Variants in RFC3 observed in about 807,000 individuals in gnomAD.
The protein encoded by RFC3 is A1 38 kDa subunit.
In RFC3, 41 loss-of-function variants were observed where a neutral mutation model predicts 45.1. The observed-to-expected ratio is 0.91, with a 90% confidence interval of 0.71 to 1.18. RFC3 has a LOEUF of 1.18. Ranked by LOEUF, RFC3 falls within the 50% of genes most tolerant of loss-of-function variation. RFC3 has a pLI of 0.00. For synonymous variants in RFC3, 149 were observed against 144.0 expected (o/e 1.03, Z -0.25); for missense variants, 423 against 428.1 (o/e 0.99, Z 0.10).
In RFC3 at chr13:33,823,923, TC is replaced by T; in HGVS notation, c.233del (p.Ser78LeufsTer29). On this transcript the variant is annotated frameshift_variant, in exon 3 of 9. Coordinates refer to ENST00000380071, the MANE Select transcript of RFC3 (RefSeq NM_002915.4). LOFTEE classifies it high-confidence loss of function. Reference protein sequence around the residue: ...RIEHQTITTPSKKKIEISTIA... With the variant: ...RIEHQTITTPXKKKIEISTIA... ...TCTTTTTCTTTGTCCACAGACTCCATCTAAAAAAAAAATTGAAATTAGCACC... is the reference window on the plus strand; with the variant it reads ...TCTTTTTCTTTGTCCACAGACTCCATTAAAAAAAAAATTGAAATTAGCACC... 6.5e-7 allele frequency: 1 copy of T among 1,532,998 alleles called. No individual in the cohort carries two copies. The highest frequency in any genetic ancestry group is 9.0e-7 in the Non-Finnish European group (1 of 1,115,852). 95.0% of individuals were successfully genotyped at this position (1,532,998 alleles called of 1,614,324 possible).
At chr13:33,876,605 A>T (rs2082448728) in intron 8 of RFC3, among the ~76,000 whole-genome samples, 1 of 152,208 alleles carries the variant, frequency 6.6e-6, no homozygotes, top group African/African-American at 2.4e-5. Context: ...ATAATCACTT[A>T]GACATTTGGG....
chr13:33,932,341 A>G (rs2082857904), intron 8 of RFC3, among the ~76,000 whole-genome samples: 1 of 152,286 alleles, frequency 6.6e-6, no homozygotes, highest in East Asian at 1.9e-4. Flanking sequence ...GAAATTCAAA[A>G]AGGGGAAGAA....
chr13:33,862,370 G>A lies in RFC3; in HGVS notation c.879+27153G>A, dbSNP rs146813366. ...TAATTGCAATGAAATATATTTAACAGTTATTTTTGAAGAAAACGCTTAGAG... is the reference window on the plus strand; with the variant it reads ...TAATTGCAATGAAATATATTTAACAATTATTTTTGAAGAAAACGCTTAGAG... On this transcript the variant is annotated intron_variant, in intron 8 of 8. Transcript: ENST00000434425. 2.4e-3 allele frequency among the ~76,000 whole-genome samples: 367 copies of A among 150,582 alleles called. 2 individuals are homozygous for A. The highest frequency in any genetic ancestry group is 8.7e-3 in the African/African-American group (357 of 41,090).
At chr13:33,860,773 C>T (rs529283817) in intron 8 of RFC3, among the ~76,000 whole-genome samples, 5 of 152,274 alleles carry the variant, frequency 3.3e-5, no homozygotes, top group East Asian at 1.9e-4. Flanking sequence ...CGCCAATTAA[C>T]GTCCCTTTAA....
intron 8 of RFC3, among the ~76,000 whole-genome samples, chr13:33,927,124 A>G (rs907492770): frequency 4.6e-5 from 7 of 152,036 alleles, no homozygotes; most frequent in African/African-American, 1.7e-4. Context: ...GGCAAAGATC[A>G]AAATTGAGAA....
At chr13:33,868,518 A>G (rs571912367) in intron 8 of RFC3, among the ~76,000 whole-genome samples, 247 of 152,234 alleles carry the variant, frequency 1.6e-3, no homozygotes, top group Non-Finnish European at 2.3e-3. Flanking sequence ...GTCATGGGGC[A>G]AGTCTTCACT....
At chr13:33,931,219 A>G (rs1310083655) in intron 8 of RFC3, among the ~76,000 whole-genome samples, 3 of 152,134 alleles carry the variant, frequency 2.0e-5, no homozygotes, top group Admixed American at 1.3e-4. Context: ...CACGATGGCA[A>G]TGAAAGTACA....
At chr13:33,951,527 C>A (rs754235851) in intron 8 of RFC3, among the ~76,000 whole-genome samples, 2 of 152,092 alleles carry the variant, frequency 1.3e-5, no homozygotes, top group Non-Finnish European at 2.9e-5. Flanking sequence ...CCACCACACC[C>A]AGCTGTAAAT....
chr13:33,849,657 A>G (rs2082263468), intron 8 of RFC3: 1 of 152,120 alleles, frequency 6.6e-6, no homozygotes, highest in Non-Finnish European at 1.5e-5. Flanking sequence ...CTGGCAGATC[A>G]GTTGAGGTAA....
chr13:33,946,203 A>G (rs2137817075), intron 8 of RFC3, among the ~76,000 whole-genome samples: 1 of 152,306 alleles, frequency 6.6e-6, no homozygotes, highest in African/African-American at 2.4e-5. Context: ...CCCACATTTT[A>G]AGAAGCGACT....
chr13:33,841,346 C>G (rs10219819), downstream of RFC3, among the ~76,000 whole-genome samples: 9,776 of 152,242 alleles, frequency 0.064, 648 homozygotes, highest in East Asian at 0.17. Flanking sequence ...CTGAATACTT[C>G]TGTAGCCACC....
In RFC3 at chr13:33,836,882, A is replaced by G. The variant is rs2082159672; in HGVS notation, c.*587A>G. 4 of 984,402 alleles carry G rather than the reference A, an allele frequency of 4.1e-6. No individual in the cohort carries two copies. The highest frequency in any genetic ancestry group is 4.8e-6 in the Non-Finnish European group (4 of 829,018). The allele number at this position is 984,402 out of a possible 1,614,324, so 61.0% of individuals were successfully genotyped here. A position where few individuals can be genotyped will look rare whatever the true frequency, so the allele number is the denominator to read the frequency against. ...ATTAGGTCGGTACTAAGAAATAAGC[A>G]TGTTTTCACTAATTTAAGTACTTGA... On this transcript the variant is annotated 3_prime_UTR_variant, in exon 9 of 9. Coordinates refer to ENST00000380071, the MANE Select transcript of RFC3 (RefSeq NM_002915.4).
At chr13:33,859,149 A>G (rs2082325001) in intron 8 of RFC3, among the ~76,000 whole-genome samples, 2 of 152,204 alleles carry the variant, frequency 1.3e-5, no homozygotes, top group African/African-American at 4.8e-5. Flanking sequence ...TTGAGACTCA[A>G]AAATAACCTT....
chr13:33,838,801 A>C (rs952302227), downstream of RFC3, among the ~76,000 whole-genome samples: 2 of 151,970 alleles, frequency 1.3e-5, no homozygotes, highest in Admixed American at 1.3e-4. Flanking sequence ...CTGTCTGGTA[A>C]TTTTTGGCTG....
At chr13:33,845,494 AT>A (rs2082230813) in intron 8 of RFC3, among the ~76,000 whole-genome samples, 1 of 151,692 alleles carries the variant, frequency 6.6e-6, no homozygotes, top group South Asian at 2.1e-4. Context: ...TCCTCTGTAT[AT>A]TTTCAAATAG....
intron 8 of RFC3, among the ~76,000 whole-genome samples, chr13:33,896,870 C>T (rs978271582): frequency 6.6e-5 from 10 of 151,570 alleles, no homozygotes; most frequent in African/African-American, 1.2e-4. Context: ...ACCTCTCATC[C>T]AAAAATACTG....
In RFC3 at chr13:33,834,629, A is replaced by G. The variant is rs531532900; in HGVS notation, c.810-519A>G. ...TGTGCAATCTAGGCAGTGGCATTGT[A>G]TTATATTTCATGCGTATATTATCTT... On this transcript the variant is annotated intron_variant, in intron 7 of 8. Coordinates refer to ENST00000380071, the MANE Select transcript of RFC3 (RefSeq NM_002915.4). 2.6e-5 allele frequency among the ~76,000 whole-genome samples: 4 copies of G among 152,046 alleles called. No individual in the cohort carries two copies. In the East Asian group the frequency reaches 5.8e-4, roughly 22 times the overall value.
chr13:33,835,473 T>C, intron 8 of RFC3: 1 of 643,072 alleles, frequency 1.6e-6, no homozygotes, highest in South Asian at 1.4e-5. Context: ...AATTTCAGAG[T>C]GTTGTAAGTG....
chr13:33,917,786 A>G lies in RFC3; in HGVS notation c.880-48301A>G, dbSNP rs753185717. Reference sequence around the variant, plus strand: ...GAAAGATTTTTCTCACTTAAAAATGAAAAGAGACCCTTTTGTCTACTCCAC... The same window carrying G: ...GAAAGATTTTTCTCACTTAAAAATGGAAAGAGACCCTTTTGTCTACTCCAC... On this transcript the variant is annotated intron_variant, in intron 8 of 8. Transcript: ENST00000434425. 7.0e-4 allele frequency among the ~76,000 whole-genome samples: 106 copies of G among 152,108 alleles called. 1 individual carries two copies. Among genetic ancestry groups the G allele is most frequent in the Admixed American group, 3.9e-4 (6 of 15,262 alleles).
Sources: allele counts gnomAD v4.1 joint callset (sites outside exome capture counted in the v4.1 genomes callset), GRCh38; gene constraint gnomAD v4.1.1; transcripts MANE v1.5; gene names NCBI Gene and HGNC (gene_info 2026-07-23, HGNC 2026-07-21).